The following H6PD variants were observed in gnomAD, a reference collection of about 807,000 sequenced individuals.
The protein encoded by H6PD is hexose-6-phosphate dehydrogenase/glucose 1-dehydrogenase.
H6PD carries 48 observed loss-of-function variants against 61.2 expected under a neutral mutation model. The ratio of observed to expected loss-of-function variants is 0.78; its 90% CI spans 0.62 to 1.00. The LOEUF is 1.00. Ranked by LOEUF, H6PD falls within the 50% of genes least tolerant of loss-of-function variation. The pLI, the probability that H6PD is intolerant of heterozygous loss-of-function variation, is 0.00. For synonymous variants in H6PD, 480 were observed against 457.9 expected, an observed-to-expected ratio of 1.05 and a Z score of -0.62; for missense variants, 1,093 against 1,065.0, an observed-to-expected ratio of 1.03 and a Z score of -0.37.
At chr1:9,243,082 G>A (rs368483964) in intron 1 of H6PD, 24 of 507,072 alleles carry the variant, frequency 4.7e-5, no homozygotes, top group South Asian at 3.4e-4. Context: ...TGGACGCGTC[G>A]TGTGTCCTGT....
At chr1:9,261,347 C>T (rs1338533238) in intron 3 of H6PD, among the ~76,000 whole-genome samples, 1 of 152,218 alleles carries the variant, frequency 6.6e-6, no homozygotes, top group Admixed American at 6.5e-5. Context: ...CAAGTTCCTT[C>T]CTGCCTCGGG....
At chr1:9,235,595 T>G (rs757041166) in intron 1 of H6PD, among the ~76,000 whole-genome samples, 1 of 152,230 alleles carries the variant, frequency 6.6e-6, no homozygotes, top group Non-Finnish European at 1.5e-5. Context: ...CTTTTTACTT[T>G]TTTATATAAA....
At chr1:9,257,904 C>T (rs1389985926) in intron 3 of H6PD, among the ~76,000 whole-genome samples, 1 of 152,232 alleles carries the variant, frequency 6.6e-6, no homozygotes, top group Admixed American at 6.5e-5. Context: ...AGGTGGTATG[C>T]GTTGGAACCC....
At chr1:9,239,497 T>C (rs1387008802) in intron 1 of H6PD, among the ~76,000 whole-genome samples, 1 of 152,134 alleles carries the variant, frequency 6.6e-6, no homozygotes, top group East Asian at 1.9e-4. Flanking sequence ...TCAGCATAAA[T>C]GGACCAGAAC....
chr1:9,258,404 G>A (rs1045062185), intron 3 of H6PD, among the ~76,000 whole-genome samples: 8 of 152,116 alleles, frequency 5.3e-5, no homozygotes, highest in Non-Finnish European at 1.2e-4. Flanking sequence ...GTGTTGTTAT[G>A]TTGTTATGTC....
At chr1:9,247,604 A>G (rs1641222674) in intron 3 of H6PD, among the ~76,000 whole-genome samples, 1 of 152,000 alleles carries the variant, frequency 6.6e-6, no homozygotes, top group Non-Finnish European at 1.5e-5. Context: ...TGCCCTGCAC[A>G]GTGTTACCCT....
At position 9,270,038 on chromosome 1, in the gene H6PD, T is replaced by A. The variant is rs1230809380; in HGVS notation, c.*5169T>A. ...GTCCAGCAAGCCAGGGGGAAGATGA[T>A]CCCTTTGCCGAAGTGTACCCTCTAG... On this transcript the variant is annotated 3_prime_UTR_variant, in exon 5 of 5. Transcript: ENST00000377403. The A allele has an allele frequency of 6.6e-6, 1 of 152,536 alleles. No homozygotes were observed. Among genetic ancestry groups the A allele is most frequent in the African/African-American group, 2.4e-5 (1 of 41,408 alleles). The allele number at this position is 152,536 out of a possible 1,614,324, so 9.4% of individuals were successfully genotyped here.
chr1:9,264,853 A>C lies in H6PD; in HGVS notation c.2360A>C (p.Asp787Ala). 1 of 1,611,790 alleles carries C rather than the reference A, an allele frequency of 6.2e-7. No homozygotes were observed. The highest frequency in any genetic ancestry group is 8.5e-7 in the Non-Finnish European group (1 of 1,179,964). ...SGQLVWYMDY[D>A]AFLG is the part of the protein sequence containing the mutation. ...CAGCTGGTGTGGTACATGGACTACG[A>C]CGCCTTCCTGGGATGAGGGCGCCTG... Residue 787 changes from aspartate to alanine, a missense_variant, in exon 5 of 5, where the codon GAC (aspartate) becomes GCC (alanine). Asp to Ala is a moderately radical substitution (Grantham distance 126, BLOSUM62 -2). Coordinates refer to ENST00000377403, the MANE Select transcript of H6PD (RefSeq NM_004285.4).
intron 1 of H6PD, chr1:9,242,431 A>G (rs1181142228): frequency 7.7e-6 from 2 of 260,838 alleles, no homozygotes; most frequent in Non-Finnish European, 1.2e-5. Flanking sequence ...AGAGTAAGCA[A>G]TCATGTTGTA....
chr1:9,243,552 C>T (rs1273035228), intron 1 of H6PD, among the ~76,000 whole-genome samples: 4 of 152,174 alleles, frequency 2.6e-5, no homozygotes, highest in Non-Finnish European at 4.4e-5. Flanking sequence ...CTTCCTTTCC[C>T]TCCAACACTG....
Position 9,264,889 on chromosome 1 carries a change from C to T in H6PD, c.*20C>T, listed in dbSNP as rs1414708735. 1 of 1,609,504 alleles carries T rather than the reference C, an allele frequency of 6.2e-7. No individual in the cohort carries two copies. Among genetic ancestry groups the T allele is most frequent in the South Asian group, 1.1e-5 (1 of 91,000 alleles). ...GGATGAGGGCGCCTGTGCCCCTTGCCCGCTTCGCTCCTGTGCTTTCCTTCG... is the reference window on the plus strand; with the variant it reads ...GGATGAGGGCGCCTGTGCCCCTTGCTCGCTTCGCTCCTGTGCTTTCCTTCG... On this transcript the variant is annotated 3_prime_UTR_variant, in exon 5 of 5. Coordinates refer to ENST00000377403, the MANE Select transcript of H6PD (RefSeq NM_004285.4).
intron 3 of H6PD, among the ~76,000 whole-genome samples, chr1:9,255,812 T>C (rs1229714721): frequency 6.6e-6 from 1 of 152,176 alleles, no homozygotes; most frequent in Non-Finnish European, 1.5e-5. Context: ...CCGGTAGGCA[T>C]TGGAATCTCT....
chr1:9,246,888 G>A, intron 2 of H6PD, 78 bp from the exon 3 acceptor site: 1 of 982,590 alleles, frequency 1.0e-6, no homozygotes, highest in South Asian at 1.3e-5. Context: ...AGAAAGGTCA[G>A]AGCCCTTCCC....
intron 3 of H6PD, among the ~76,000 whole-genome samples, chr1:9,260,030 G>T (rs1641669985): frequency 6.6e-6 from 1 of 151,878 alleles, no homozygotes; most frequent in Non-Finnish European, 1.5e-5. Flanking sequence ...TGCTGGTGTT[G>T]TTGCACTGCT....
intron 1 of H6PD, chr1:9,242,612 C>T (rs1557735893): frequency 1.0e-6 from 1 of 985,366 alleles, no homozygotes; most frequent in Non-Finnish European, 1.2e-6. Flanking sequence ...GCCAGGTGGC[C>T]ATCCGTCACA....
chr1:9,250,199 G>A (rs377337468), intron 3 of H6PD, among the ~76,000 whole-genome samples: 2 of 152,198 alleles, frequency 1.3e-5, no homozygotes, highest in Non-Finnish European at 1.5e-5. Context: ...GGGTGAGGGC[G>A]GGAAACAGGC....
rs867536619 is a variant in H6PD, at chr1:9,251,987, C to T, written c.745+4904C>T. Among the ~76,000 whole-genome samples the T allele has an allele frequency of 1.1e-4, 17 of 151,774 alleles. 1 individual carries two copies. The highest frequency in any genetic ancestry group is 6.8e-3 in the Middle Eastern group (2 of 292). On this transcript the variant is annotated intron_variant, in intron 3 of 4. Coordinates refer to ENST00000377403, the MANE Select transcript of H6PD (RefSeq NM_004285.4). ...CGGTTCTGAAGGCTGTGACCTTCAG[C>T]GCACATCTATACAATGCTGATAGCC...
In H6PD at chr1:9,257,859, G is replaced by A. The variant is rs528581816; in HGVS notation, c.746-4200G>A. Among the ~76,000 whole-genome samples, 2 of 152,384 alleles carry A rather than the reference G, an allele frequency of 1.3e-5. 1 individual carries two copies. Among genetic ancestry groups the A allele is most frequent in the African/African-American group, 4.8e-5 (2 of 41,592 alleles). On this transcript the variant is annotated intron_variant, in intron 3 of 4. Transcript: ENST00000377403. ...GGCCAGGCTCTCTCTGTAGGTGAGG[G>A]TGTGAGGAGACTTGGGCATTGGAAC...
intron 1 of H6PD, among the ~76,000 whole-genome samples, chr1:9,237,318 C>G (rs956027897): frequency 7.4e-6 from 1 of 135,994 alleles, no homozygotes; most frequent in African/African-American, 2.8e-5. Flanking sequence ...CTGCAACGTT[C>G]GCCTCCTAGG....
Sources: gnomAD v4.1 joint callset for allele counts (sites outside exome capture counted in the v4.1 genomes callset) on GRCh38, gnomAD v4.1.1 for gene constraint, MANE v1.5 for transcripts, NCBI Gene and HGNC (gene_info 2026-07-23, HGNC 2026-07-21) for gene names.